The following USP15 variants were observed in gnomAD, a reference collection of about 807,000 sequenced individuals.
The protein encoded by USP15 is ubiquitin specific peptidase 15.
Under a neutral mutation model 127.1 loss-of-function variants are expected in USP15, and 18 were observed. The ratio of observed to expected loss-of-function variants is 0.14; its 90% confidence interval spans 0.10 to 0.21. USP15 has a LOEUF of 0.21. Among genes scored for constraint, USP15 ranks in the 10% least tolerant of loss-of-function variants. USP15 has a pLI of 1.00. For synonymous variants in USP15, 364 were observed against 393.7 expected (o/e 0.92, Z 0.89); for missense variants, 805 against 1,159.9 (o/e 0.69, Z 4.44).
intron 8 of USP15, among the ~76,000 whole-genome samples, chr12:62,365,190 C>A (rs2066437626): frequency 6.6e-6 from 1 of 152,168 alleles, no homozygotes; most frequent in Non-Finnish European, 1.5e-5. Context: ...TAAAAGCATT[C>A]CTATTTCTCC....
intron 8 of USP15, among the ~76,000 whole-genome samples, chr12:62,372,141 C>G (rs1303407805): frequency 1.3e-5 from 2 of 152,076 alleles, no homozygotes; most frequent in East Asian, 1.9e-4. Context: ...GAAACTTGAC[C>G]TGAGCTATCT....
At chr12:62,276,253 A>C (rs1035235824) in intron 1 of USP15, among the ~76,000 whole-genome samples, 9 of 152,162 alleles carry the variant, frequency 5.9e-5, no homozygotes, top group African/African-American at 2.2e-4. Flanking sequence ...TAGTATTCAG[A>C]AATACTTCAC....
chr12:62,328,158 T>C (rs2065187012), intron 6 of USP15: 1 of 299,476 alleles, frequency 3.3e-6, no homozygotes, highest in Non-Finnish European at 6.8e-6. Flanking sequence ...GATATAGTCA[T>C]TTGTATAAAA....
chr12:62,355,323 TC>T lies in USP15; in HGVS notation c.771-7del. 1.3e-6 allele frequency: 2 copies of T among 1,578,818 alleles called. No individual in the cohort carries two copies. The highest frequency in any genetic ancestry group is 2.3e-5 in the South Asian group (2 of 85,194). On this transcript the variant is annotated splice_region_variant and splice_polypyrimidine_tract_variant and intron_variant, in intron 7 of 21. Coordinates refer to ENST00000280377, the MANE Select transcript of USP15 (RefSeq NM_001252078.2). ...TTGGCTGCATTATGAAAATTTTTTT[TC>T]TTCCAGTGTGAAAAACTCAAATTAC...
At chr12:62,326,067 G>A (rs2065113032) in intron 6 of USP15, 134 bp downstream of exon 6, 1 of 701,602 alleles carries the variant, frequency 1.4e-6, no homozygotes, top group African/African-American at 1.8e-5. Context: ...TGAGTATTTT[G>A]TTCTTAGTAT....
chr12:62,284,260 A>C (rs1047404290), intron 1 of USP15, among the ~76,000 whole-genome samples: 1 of 152,200 alleles, frequency 6.6e-6, no homozygotes, highest in Admixed American at 6.5e-5. Flanking sequence ...GAAGAAAGCA[A>C]GTCGAATGTC....
chr12:62,378,798 T>G (rs1041468091), intron 8 of USP15, among the ~76,000 whole-genome samples: 19 of 152,170 alleles, frequency 1.2e-4, no homozygotes, highest in Admixed American at 1.3e-4. Flanking sequence ...TTCCTCCATT[T>G]AGTAAGTAGT....
intron 8 of USP15, among the ~76,000 whole-genome samples, chr12:62,357,306 A>AT (rs1380500790): frequency 6.6e-6 from 1 of 152,070 alleles, no homozygotes; most frequent in East Asian, 1.9e-4. Context: ...TTTCTCAGAA[A>AT]TAGGTATTCA....
rs1330778541 is a variant in USP15, at chr12:62,406,515, T to C, written c.*2140T>C. ...CCATCCTAATTCTTCAGAGACCACT[T>C]TCTTTTTAATGCCTGTCATTAACTT... On this transcript the variant is annotated 3_prime_UTR_variant, in exon 22 of 22. Transcript: ENST00000280377. 2 of 152,226 alleles carry C rather than the reference T, an allele frequency of 1.3e-5. No individual in the cohort carries two copies. The highest frequency in any genetic ancestry group is 4.8e-5 in the African/African-American group (2 of 41,470). The allele number at this position is 152,226 out of a possible 1,614,324, so 9.4% of individuals were successfully genotyped here.
intron 17 of USP15, 112 bp from the exon 18 acceptor site, chr12:62,392,160 T>C (rs962411402): frequency 1.4e-5 from 11 of 789,586 alleles, no homozygotes; most frequent in Admixed American, 6.0e-5. Context: ...ATAAGCTTTA[T>C]GATTCTTTTG....
At chr12:62,321,758 ACT>A in intron 5 of USP15, 149 bp downstream of exon 5, 1 of 545,560 alleles carries the variant, frequency 1.8e-6, no homozygotes, top group Non-Finnish European at 2.8e-6. Context: ...CTGGTTACTG[ACT>A]CTGACTTTTG....
intron 3 of USP15, among the ~76,000 whole-genome samples, chr12:62,311,079 C>T (rs2064664153): frequency 2.1e-5 from 3 of 142,362 alleles, no homozygotes; most frequent in African/African-American, 8.3e-5. Flanking sequence ...TTGATTTTTA[C>T]CTGTTGAGTT....
chr12:62,361,629 A>AT (rs1004147183), intron 8 of USP15, among the ~76,000 whole-genome samples: 17 of 151,884 alleles, frequency 1.1e-4, no homozygotes, highest in South Asian at 2.1e-4. Context: ...TATTTCAAGG[A>AT]TTTTTTTTGT....
chr12:62,386,621 G>C (rs374796846), intron 11 of USP15, among the ~76,000 whole-genome samples: 10 of 152,052 alleles, frequency 6.6e-5, no homozygotes, highest in African/African-American at 2.2e-4. Context: ...ACTTATGGGA[G>C]AAGAGGACAT....
intron 3 of USP15, among the ~76,000 whole-genome samples, chr12:62,310,549 A>G (rs951273696): frequency 2.6e-5 from 4 of 151,900 alleles, no homozygotes; most frequent in Admixed American, 2.0e-4. Context: ...ATGTTGCTCA[A>G]AAGACATGAT....
chr12:62,311,946 G>A (rs1432319182), intron 3 of USP15, among the ~76,000 whole-genome samples: 13 of 151,780 alleles, frequency 8.6e-5, no homozygotes, highest in African/African-American at 3.1e-4. Context: ...TGATGGTATT[G>A]TGGTTATGTT....
chr12:62,384,989 G>C (rs2067103265), intron 11 of USP15, among the ~76,000 whole-genome samples: 1 of 151,618 alleles, frequency 6.6e-6, no homozygotes, highest in Non-Finnish European at 1.5e-5. Context: ...TCTGACACTT[G>C]ACCCATCCCA....
chr12:62,265,142 G>GT lies in USP15; in HGVS notation c.89+4642dup, dbSNP rs1385274013. Among the ~76,000 whole-genome samples, 3 of 152,222 alleles carry GT rather than the reference G, an allele frequency of 2.0e-5. No homozygotes were observed. The East Asian group carries it at 5.8e-4, about 29-fold the overall frequency. On this transcript the variant is annotated intron_variant, in intron 1 of 21. Coordinates refer to ENST00000280377, the MANE Select transcript of USP15 (RefSeq NM_001252078.2). ...AGGTCCAGAGCTAGTCAATGATTTC[G>GT]TTTATCTGTTTTGTGAAATTAAGGC...
intron 4 of USP15, among the ~76,000 whole-genome samples, chr12:62,318,289 G>T (rs7953967): frequency 0.31 from 46,421 of 151,940 alleles, 7,313 homozygotes; most frequent in African/African-American, 0.37. Context: ...CCCACTACAT[G>T]AGACATCGAA....
Sources: allele counts gnomAD v4.1 joint callset (sites outside exome capture counted in the v4.1 genomes callset), GRCh38; gene constraint gnomAD v4.1.1; transcripts MANE v1.5; gene names NCBI Gene and HGNC (gene_info 2026-07-23, HGNC 2026-07-21).